Variants in METAP1D observed in about 807,000 individuals in gnomAD.
The protein encoded by METAP1D is methionine aminopeptidase 1D, mitochondrial.
Under a neutral mutation model 40.5 loss-of-function variants are expected in METAP1D, and 31 were observed. That is an observed-to-expected ratio of 0.77 (90% CI 0.58 to 1.03). The LOEUF is 1.03. METAP1D is among the 50% of genes least tolerant of loss of function. METAP1D has a pLI of 0.00. For missense variants in METAP1D, 411 were observed against 420.7 expected (o/e 0.98, Z 0.20); for synonymous variants, 151 against 146.4 (o/e 1.03, Z -0.22).
intron 1 of METAP1D, among the ~76,000 whole-genome samples, chr2:172,018,477 C>G (rs1237535173): frequency 6.6e-6 from 1 of 152,126 alleles, no homozygotes; most frequent in East Asian, 1.9e-4. Context: ...TCTCTTGATA[C>G]AAGAGTGAAG....
At chr2:172,027,525 C>T (rs1004498314) in intron 1 of METAP1D, among the ~76,000 whole-genome samples, 4 of 152,210 alleles carry the variant, frequency 2.6e-5, no homozygotes, top group African/African-American at 9.6e-5. Flanking sequence ...GATGTTCTCA[C>T]AATCACAGAT....
intron 1 of METAP1D, among the ~76,000 whole-genome samples, chr2:172,060,713 A>G (rs1690120473): frequency 6.6e-6 from 1 of 152,134 alleles, no homozygotes; most frequent in Admixed American, 6.5e-5. Context: ...AATATATTTA[A>G]TCAGTCCCCT....
At chr2:172,040,687 C>T (rs1180868162) in intron 1 of METAP1D, among the ~76,000 whole-genome samples, 1 of 150,852 alleles carries the variant, frequency 6.6e-6, no homozygotes, top group African/African-American at 2.4e-5. Flanking sequence ...TTTACTGTTA[C>T]AAGACTAGGG....
At chr2:172,051,500 GT>G (rs1229954363) in intron 1 of METAP1D, among the ~76,000 whole-genome samples, 4 of 152,124 alleles carry the variant, frequency 2.6e-5, no homozygotes, top group African/African-American at 9.7e-5. Flanking sequence ...TTCTGAACTT[GT>G]CATTGATGTT....
chr2:172,073,859 C>T (rs1400542659), intron 6 of METAP1D, among the ~76,000 whole-genome samples: 3 of 152,210 alleles, frequency 2.0e-5, no homozygotes, highest in Non-Finnish European at 2.9e-5. Context: ...TGCGTAGCCT[C>T]TCTCTACTGA....
Position 172,051,094 on chromosome 2 carries a change from T to C in METAP1D, c.41-10404T>C, listed in dbSNP as rs10209911. On this transcript the variant is annotated intron_variant, in intron 1 of 9. Coordinates refer to ENST00000315796, the MANE Select transcript of METAP1D (RefSeq NM_199227.3). ...TGAATTTAAATTTTGAAGTAAACTT[T>C]TTTTGTCTCAAATGGAGAAATTCCA... Among the ~76,000 whole-genome samples the C allele has an allele frequency of 0.034, 5,115 of 152,218 alleles. 609 individuals carry two copies. The East Asian group carries it at 0.45, about 13-fold the overall frequency.
rs61596658 is a variant in METAP1D, at chr2:172,024,748, T to TTGTGTGTGTG, written c.40+24771_40+24780dup. On this transcript the variant is annotated intron_variant, in intron 1 of 9. Coordinates refer to ENST00000315796, the MANE Select transcript of METAP1D (RefSeq NM_199227.3). ...AGCCTCCTTTTTAAAGACATATAGATTGTGTGTGTGTGTGTGTGTGTGTGT... is the reference window on the plus strand; with the variant it reads ...AGCCTCCTTTTTAAAGACATATAGATTGTGTGTGTGTGTGTGTGTGTGTGTGTGTGTGTGT... Among the ~76,000 whole-genome samples, 363 of 66,646 alleles carry TTGTGTGTGTG rather than the reference T, an allele frequency of 5.4e-3. 1 individual carries two copies. Among genetic ancestry groups the TTGTGTGTGTG allele is most frequent in the African/African-American group, 0.013 (319 of 24,972 alleles). 43.7% of individuals were successfully genotyped at this position (66,646 alleles called of 152,430 possible). A position where few individuals can be genotyped will look rare whatever the true frequency, so the allele number is the denominator to read the frequency against.
intron 6 of METAP1D, among the ~76,000 whole-genome samples, chr2:172,072,759 G>A (rs1485739937): frequency 6.6e-6 from 1 of 151,956 alleles, no homozygotes; most frequent in Non-Finnish European, 1.5e-5. Flanking sequence ...CCCCATTGAA[G>A]GCTATGAATG....
Position 172,000,021 on chromosome 2 carries a change from G to A in METAP1D, c.40+12G>A. ...GCTCGTCCGCAGAGGTAAGCGCGTG[G>A]AGGAGAGCCCCGTGAGGGTTCGCAC... is the stretch of plus-strand genomic sequence containing the variant. On this transcript the variant is annotated intron_variant, in intron 1 of 9. Coordinates refer to ENST00000315796, the MANE Select transcript of METAP1D (RefSeq NM_199227.3). 2.3e-6 allele frequency: 3 copies of A among 1,329,672 alleles called. No individual in the cohort carries two copies. The highest frequency in any genetic ancestry group is 2.9e-6 in the Non-Finnish European group (3 of 1,030,188). The allele number at this position is 1,329,672 out of a possible 1,614,324, so 82.4% of individuals were successfully genotyped here. A position where few individuals can be genotyped will look rare whatever the true frequency, so the allele number is the denominator to read the frequency against.
intron 1 of METAP1D, among the ~76,000 whole-genome samples, chr2:172,023,058 C>T (rs1689041931): frequency 6.6e-6 from 1 of 152,148 alleles, no homozygotes. Flanking sequence ...CGTGGTGGCA[C>T]ATGCCTGTAA....
rs142970829 is a variant in METAP1D at position 172,077,263 on chromosome 2, G to A, written c.705-534G>A. On this transcript the variant is annotated intron_variant, in intron 6 of 9. Coordinates refer to ENST00000315796, the MANE Select transcript of METAP1D (RefSeq NM_199227.3). Reference sequence around the variant, plus strand: ...ATTGACAAAGTAGATTGAGCTTTTCGTGTGAGTGTGCCTGTTGGTAAAATG... The same window carrying A: ...ATTGACAAAGTAGATTGAGCTTTTCATGTGAGTGTGCCTGTTGGTAAAATG... Among the ~76,000 whole-genome samples, 262 of 152,316 alleles carry A rather than the reference G, an allele frequency of 1.7e-3. 1 individual carries two copies. The highest frequency in any genetic ancestry group is 5.9e-3 in the African/African-American group (245 of 41,576).
Position 172,081,319 on chromosome 2 carries a change from A to G in METAP1D, c.*913A>G. ...CCCTCCCCAGACTGGCCCTTCTCGC[A>G]TCGGGACCCGCGCTTGCACGCTGCA... is the stretch of plus-strand genomic sequence containing the variant. On this transcript the variant is annotated 3_prime_UTR_variant, in exon 10 of 10. Coordinates refer to ENST00000315796, the MANE Select transcript of METAP1D (RefSeq NM_199227.3). The G allele has an allele frequency of 6.6e-6, 1 of 152,576 alleles. No individual in the cohort carries two copies. The highest frequency in any genetic ancestry group is 1.5e-5 in the Non-Finnish European group (1 of 68,206). The allele number at this position is 152,576 out of a possible 1,614,324, so 9.5% of individuals were successfully genotyped here.
rs1271137875 is a variant in METAP1D at position 172,081,663 on chromosome 2, T to G, written c.*1257T>G. Reference sequence around the variant, plus strand: ...GAAGCCGTCTGCCTTCGGTTATGATTTTAGGAACAAGTCCAACGAGGGTGT... The same window carrying G: ...GAAGCCGTCTGCCTTCGGTTATGATGTTAGGAACAAGTCCAACGAGGGTGT... On this transcript the variant is annotated 3_prime_UTR_variant, in exon 10 of 10. Transcript: ENST00000315796. 1 of 152,316 alleles carries G rather than the reference T, an allele frequency of 6.6e-6. No individual in the cohort carries two copies. Among genetic ancestry groups the G allele is most frequent in the African/African-American group, 2.4e-5 (1 of 41,464 alleles). 9.4% of individuals were successfully genotyped at this position (152,316 alleles called of 1,614,324 possible).
At chr2:172,010,299 C>G (rs775645600) in intron 1 of METAP1D, among the ~76,000 whole-genome samples, 1 of 151,646 alleles carries the variant, frequency 6.6e-6, no homozygotes, top group African/African-American at 2.4e-5. Flanking sequence ...CACCACCACA[C>G]CTGGCTAATT....
intron 5 of METAP1D, 68 bp from the exon 6 acceptor site, chr2:172,070,839 A>G (rs556807557): frequency 7.8e-7 from 1 of 1,276,602 alleles, no homozygotes; most frequent in South Asian, 1.8e-5. Flanking sequence ...ATAAATGAAT[A>G]CAATGTATAC....
intron 1 of METAP1D, among the ~76,000 whole-genome samples, chr2:172,056,504 C>T (rs1356752447): frequency 2.0e-5 from 3 of 152,164 alleles, no homozygotes; most frequent in African/African-American, 7.2e-5. Flanking sequence ...TGTCTGCCTC[C>T]CACTACAAGG....
At chr2:172,016,011 C>T (rs746469149) in intron 1 of METAP1D, among the ~76,000 whole-genome samples, 3 of 148,460 alleles carry the variant, frequency 2.0e-5, no homozygotes, top group Non-Finnish European at 4.4e-5. Flanking sequence ...AATCTTAACA[C>T]TTTGGGAGGC....
chr2:172,038,330 A>C (rs1472287735), intron 1 of METAP1D, among the ~76,000 whole-genome samples: 1 of 152,184 alleles, frequency 6.6e-6, no homozygotes, highest in Non-Finnish European at 1.5e-5. Flanking sequence ...TTTATGTCGG[A>C]AAATGCATTC....
chr2:172,069,710 G>GAT (rs1690376492), intron 5 of METAP1D, among the ~76,000 whole-genome samples: 1 of 152,152 alleles, frequency 6.6e-6, no homozygotes, highest in Non-Finnish European at 1.5e-5. Context: ...AAGATAATTT[G>GAT]ATATAGTAGA....
Sources: allele counts gnomAD v4.1 joint callset (sites outside exome capture counted in the v4.1 genomes callset), GRCh38; gene constraint gnomAD v4.1.1; transcripts MANE v1.5; gene names NCBI Gene and HGNC (gene_info 2026-07-23, HGNC 2026-07-21).